The following AGPAT4 variants were observed in gnomAD, a reference collection of about 807,000 sequenced individuals.
AGPAT4 encodes 1-acyl-sn-glycerol-3-phosphate acyltransferase delta.
Under a neutral mutation model 48.0 loss-of-function variants are expected in AGPAT4, and 15 were observed. That is an observed-to-expected ratio of 0.31 (90% CI 0.21 to 0.48). AGPAT4 has a LOEUF of 0.48. Among genes scored for constraint, AGPAT4 ranks in the 20% least tolerant of loss-of-function variants. The probability of loss-of-function intolerance (pLI) is 0.99; values close to 1 mark genes in which losing one functional copy is unlikely to be tolerated. For missense variants in AGPAT4, 314 were observed against 482.5 expected (o/e 0.65, Z 3.27); for synonymous variants, 178 against 198.7 (o/e 0.90, Z 0.88).
In AGPAT4 at chr6:161,171,173, G is replaced by A. The variant is rs1780258124; in HGVS notation, c.179-4756C>T. On this transcript the variant is annotated intron_variant, in intron 2 of 8. Coordinates refer to ENST00000320285, the MANE Select transcript of AGPAT4 (RefSeq NM_020133.3). The surrounding 1 kb of genome is among the most constrained non-coding windows in gnomAD (Gnocchi z 4.4). ...AATCACCTGTTGAGAGTTTCAGGTTGCAATCCTGTAACTAGCGTTACAATG... is the reference window on the plus strand; with the variant it reads ...AATCACCTGTTGAGAGTTTCAGGTTACAATCCTGTAACTAGCGTTACAATG... Among the ~76,000 whole-genome samples the A allele has an allele frequency of 6.6e-6, 1 of 152,218 alleles. No individual in the cohort carries two copies. The highest frequency in any genetic ancestry group is 2.4e-5 in the African/African-American group (1 of 41,452).
rs900113325 is a variant in AGPAT4 at position 161,130,055 on chromosome 6, T to C, written c.*6485A>G. 1.3e-5 allele frequency: 2 copies of C among 152,204 alleles called. No homozygotes were observed. Among genetic ancestry groups the C allele is most frequent in the Admixed American group, 6.5e-5 (1 of 15,278 alleles). The allele number at this position is 152,204 out of a possible 1,614,324, so 9.4% of individuals were successfully genotyped here. Reference sequence around the variant, plus strand: ...TGGTATCCACACATACTTTATTAGTTTTATCTTTGTTCAGCCCACCAACAA... The same window carrying C: ...TGGTATCCACACATACTTTATTAGTCTTATCTTTGTTCAGCCCACCAACAA... On this transcript the variant is annotated 3_prime_UTR_variant, in exon 9 of 9. Transcript: ENST00000320285.
In AGPAT4 at chr6:161,251,367, G is replaced by A. The variant is rs143764141; in HGVS notation, c.-89-19065C>T. ...CCAATAAACAGACATGAATTGAACT[G>A]TAGGGGTCAATTCTCTAACTATTCC... On this transcript the variant is annotated intron_variant, in intron 1 of 8. Transcript: ENST00000320285. The surrounding 1 kb of genome is among the most constrained non-coding windows in gnomAD (Gnocchi z 4.6). 1.3e-5 allele frequency among the ~76,000 whole-genome samples: 2 copies of A among 152,332 alleles called. No individual in the cohort carries two copies. Among genetic ancestry groups the A allele is most frequent in the African/African-American group, 4.8e-5 (2 of 41,576 alleles).
intron 2 of AGPAT4, among the ~76,000 whole-genome samples, chr6:161,185,475 T>C (rs773554906): frequency 6.6e-6 from 1 of 152,024 alleles, no homozygotes; most frequent in Non-Finnish European, 1.5e-5. Context: ...TGAATCTTTA[T>C]AAAACACATC....
At chr6:161,150,130 T>G (rs1363370922) in intron 5 of AGPAT4, among the ~76,000 whole-genome samples, 1 of 152,220 alleles carries the variant, frequency 6.6e-6, no homozygotes, top group Non-Finnish European at 1.5e-5. Context: ...TGTAGTCAGT[T>G]GAAGCTTCTT....
In AGPAT4 at chr6:161,138,452, A is replaced by G. The variant is rs1011679453; in HGVS notation, c.1042+970T>C. Among the ~76,000 whole-genome samples the G allele has an allele frequency of 2.0e-5, 3 of 152,122 alleles. No individual in the cohort carries two copies. Among genetic ancestry groups the G allele is most frequent in the Non-Finnish European group, 4.4e-5 (3 of 68,022 alleles). On this transcript the variant is annotated intron_variant, in intron 8 of 8. Coordinates refer to ENST00000320285, the MANE Select transcript of AGPAT4 (RefSeq NM_020133.3). The surrounding 1 kb of genome is among the most constrained non-coding windows in gnomAD (Gnocchi z 4.8). The stretch of plus-strand genomic sequence containing the variant: ...TGAAAAGGCGAGCTGAAGAAACTCC[A>G]CTGATACGGGTTTATAGATGCACAT...
At chr6:161,153,539 T>G in intron 4 of AGPAT4, 40 bp from the exon 5 acceptor site, 2 of 1,602,988 alleles carry the variant, frequency 1.2e-6, no homozygotes, top group Non-Finnish European at 1.7e-6. Flanking sequence ...AGCCTCGGGG[T>G]CACACACAGC....
At chr6:161,210,129 G>A (rs1437658626) in intron 2 of AGPAT4, among the ~76,000 whole-genome samples, 2 of 152,126 alleles carry the variant, frequency 1.3e-5, no homozygotes. Flanking sequence ...AGAGTTCAGA[G>A]ATCCAGTTAA....
At chr6:161,269,079 G>C (rs1439515781) in intron 1 of AGPAT4, among the ~76,000 whole-genome samples, 1 of 152,212 alleles carries the variant, frequency 6.6e-6, no homozygotes, top group African/African-American at 2.4e-5. Context: ...TATGTAATTG[G>C]ACGCAGGTAG....
At position 161,233,009 on chromosome 6, in the gene AGPAT4, T is replaced by C. The variant is rs1782165480; in HGVS notation, c.-89-707A>G. ...AGTGAAGGTACACGAGGGCTCAACT[T>C]TGAGGCTATCAGTAAATACAAATAA... is the stretch of plus-strand genomic sequence containing the variant. On this transcript the variant is annotated intron_variant, in intron 1 of 8. Transcript: ENST00000320285. The surrounding 1 kb of genome is among the most constrained non-coding windows in gnomAD (Gnocchi z 5.4). Among the ~76,000 whole-genome samples the C allele has an allele frequency of 6.6e-6, 1 of 151,956 alleles. No individual in the cohort carries two copies. The highest frequency in any genetic ancestry group is 2.4e-5 in the African/African-American group (1 of 41,364).
rs201317021 is a variant in AGPAT4 at position 161,139,664 on chromosome 6, G to C, written c.844-44C>G. 6.6e-7 allele frequency: 1 copy of C among 1,519,256 alleles called. No homozygotes were observed. The highest frequency in any genetic ancestry group is 8.9e-7 in the Non-Finnish European group (1 of 1,119,484). The allele number at this position is 1,519,256 out of a possible 1,614,324, so 94.1% of individuals were successfully genotyped here. A position where few individuals can be genotyped will look rare whatever the true frequency, so the allele number is the denominator to read the frequency against. ...GACCCTCAGACGCCACACGGGGCTC[G>C]GTGGCAGGTCCCTCCCGAGGCCCTG... On this transcript the variant is annotated intron_variant, in intron 7 of 8. Coordinates refer to ENST00000320285, the MANE Select transcript of AGPAT4 (RefSeq NM_020133.3). This position sits in a 1 kb window ranked among gnomAD's most constrained non-coding sequence, Gnocchi z 9.1.
chr6:161,197,136 A>C lies in AGPAT4; in HGVS notation c.179-30719T>G, dbSNP rs1416346632. On this transcript the variant is annotated intron_variant, in intron 2 of 8. Transcript: ENST00000320285. The surrounding 1 kb of genome is among the most constrained non-coding windows in gnomAD (Gnocchi z 5.7). Reference sequence around the variant, plus strand: ...AGGAACACTTTAATTTGCCGATACTAATGAGTATTTTAGGAGATGGGCCAT... The same window carrying C: ...AGGAACACTTTAATTTGCCGATACTCATGAGTATTTTAGGAGATGGGCCAT... Among the ~76,000 whole-genome samples, 1 of 152,162 alleles carries C rather than the reference A, an allele frequency of 6.6e-6. No individual in the cohort carries two copies. Among genetic ancestry groups the C allele is most frequent in the African/African-American group, 2.4e-5 (1 of 41,440 alleles).
intron 1 of AGPAT4, among the ~76,000 whole-genome samples, chr6:161,237,694 G>A (rs1582899414): frequency 6.6e-6 from 1 of 152,136 alleles, no homozygotes; most frequent in Non-Finnish European, 1.5e-5. Context: ...TATTATTAGT[G>A]GCTAAATGTT....
intron 1 of AGPAT4, among the ~76,000 whole-genome samples, chr6:161,250,933 T>C (rs1338065716): frequency 6.6e-6 from 1 of 152,226 alleles, no homozygotes; most frequent in Non-Finnish European, 1.5e-5. Flanking sequence ...TTATTGATTG[T>C]GCCTTTATCC....
chr6:161,251,466 G>C lies in AGPAT4; in HGVS notation c.-89-19164C>G, dbSNP rs907709947. On this transcript the variant is annotated intron_variant, in intron 1 of 8. Transcript: ENST00000320285. This position sits in a 1 kb window ranked among gnomAD's most constrained non-coding sequence, Gnocchi z 4.6. ...TCACTCAGCTGGTCAGAACAAAGGAGGGCTCCACCAAGCTTGTGTGCCCCC... is the reference window on the plus strand; with the variant it reads ...TCACTCAGCTGGTCAGAACAAAGGACGGCTCCACCAAGCTTGTGTGCCCCC... Among the ~76,000 whole-genome samples the C allele has an allele frequency of 6.6e-6, 1 of 152,180 alleles. No individual in the cohort carries two copies. The highest frequency in any genetic ancestry group is 2.4e-5 in the African/African-American group (1 of 41,444).
At position 161,225,910 on chromosome 6, in the gene AGPAT4, A is replaced by T. The variant is rs1479587090; in HGVS notation, c.178+6126T>A. Among the ~76,000 whole-genome samples the T allele has an allele frequency of 6.6e-6, 1 of 152,158 alleles. No individual in the cohort carries two copies. Among genetic ancestry groups the T allele is most frequent in the African/African-American group, 2.4e-5 (1 of 41,434 alleles). Reference sequence around the variant, plus strand: ...GTCTGAGAGGCTTTAAATTCCCTTCATCATGGGTCACGGGTCTTTTAAATT... The same window carrying T: ...GTCTGAGAGGCTTTAAATTCCCTTCTTCATGGGTCACGGGTCTTTTAAATT... On this transcript the variant is annotated intron_variant, in intron 2 of 8. Coordinates refer to ENST00000320285, the MANE Select transcript of AGPAT4 (RefSeq NM_020133.3). The surrounding 1 kb of genome is among the most constrained non-coding windows in gnomAD (Gnocchi z 5.0).
At position 161,221,694 on chromosome 6, in the gene AGPAT4, G is replaced by T. The variant is rs1404894208; in HGVS notation, c.178+10342C>A. Among the ~76,000 whole-genome samples, 1 of 152,192 alleles carries T rather than the reference G, an allele frequency of 6.6e-6. No individual in the cohort carries two copies. The highest frequency in any genetic ancestry group is 1.5e-5 in the Non-Finnish European group (1 of 68,030). On this transcript the variant is annotated intron_variant, in intron 2 of 8. Coordinates refer to ENST00000320285, the MANE Select transcript of AGPAT4 (RefSeq NM_020133.3). This position sits in a 1 kb window ranked among gnomAD's most constrained non-coding sequence, Gnocchi z 4.5. ...GATTCCAGGAACCTCAGATCGGGGT[G>T]TTAGCAGGGTTGGTTCCTTCTGAGC...
rs1781261847 is a variant in AGPAT4, at chr6:161,202,446, G to C, written c.178+29590C>G. ...GAGAGGAAACCAGGCAGAAGCTATG[G>C]CCTCACCTTGAAAGTTACAAAGCAC... On this transcript the variant is annotated intron_variant, in intron 2 of 8. Coordinates refer to ENST00000320285, the MANE Select transcript of AGPAT4 (RefSeq NM_020133.3). This position sits in a 1 kb window ranked among gnomAD's most constrained non-coding sequence, Gnocchi z 5.4. 6.6e-6 allele frequency among the ~76,000 whole-genome samples: 1 copy of C among 152,066 alleles called. No homozygotes were observed. Among genetic ancestry groups the C allele is most frequent in the South Asian group, 2.1e-4 (1 of 4,814 alleles).
chr6:161,211,749 C>A (rs1334412910), intron 2 of AGPAT4, among the ~76,000 whole-genome samples: 1 of 152,128 alleles, frequency 6.6e-6, no homozygotes, highest in African/African-American at 2.4e-5. Flanking sequence ...TCTGCATGCA[C>A]TTTTAAAGTA....
rs1041609900 is a variant in AGPAT4 at position 161,223,130 on chromosome 6, C to T, written c.178+8906G>A. 6.6e-6 allele frequency among the ~76,000 whole-genome samples: 1 copy of T among 152,176 alleles called. No homozygotes were observed. The highest frequency in any genetic ancestry group is 2.4e-5 in the African/African-American group (1 of 41,452). On this transcript the variant is annotated intron_variant, in intron 2 of 8. Transcript: ENST00000320285. This position sits in a 1 kb window ranked among gnomAD's most constrained non-coding sequence, Gnocchi z 6.3. ...AACTCACTGCTCTACCATGCTGGGT[C>T]TATGAGCCTTCTCCACTAGACTGGG...
Sources: allele counts gnomAD v4.1 joint callset (sites outside exome capture counted in the v4.1 genomes callset), GRCh38; gene constraint gnomAD v4.1.1; non-coding constraint Gnocchi (gnomAD v3.1); transcripts MANE v1.5; gene names NCBI Gene and HGNC (gene_info 2026-07-23, HGNC 2026-07-21).